Variants in MACROD2 observed in about 807,000 individuals in gnomAD.
MACROD2 encodes mono-ADP ribosylhydrolase 2, also known as ADP-ribose glycohydrolase MACROD2.
MACROD2 carries 36 observed loss-of-function variants against 70.4 expected under a neutral mutation model. The ratio of observed to expected loss-of-function variants is 0.51; its 90% CI spans 0.39 to 0.68. MACROD2 has a LOEUF of 0.68. Among genes scored for constraint, MACROD2 ranks in the 30% least tolerant of loss-of-function variants. The pLI is 0.00. For missense variants in MACROD2, 496 were observed against 538.4 expected (o/e 0.92, Z 0.78); for synonymous variants, 172 against 178.8 (o/e 0.96, Z 0.30).
At chr20:14,990,918 A>G (rs2074897852) in intron 5 of MACROD2, among the ~76,000 whole-genome samples, 1 of 152,218 alleles carries the variant, frequency 6.6e-6, no homozygotes, top group Non-Finnish European at 1.5e-5. Flanking sequence ...ATTGATAAGA[A>G]AAGTTATGAT....
intron 4 of MACROD2, among the ~76,000 whole-genome samples, chr20:14,646,199 C>A (rs1932935): frequency 0.53 from 79,745 of 150,378 alleles, 22,614 homozygotes; most frequent in African/African-American, 0.75. Context: ...CTAGCCTACT[C>A]ATTTTATTAA....
At chr20:15,287,859 C>T (rs1034527567) in intron 6 of MACROD2, among the ~76,000 whole-genome samples, 29 of 152,312 alleles carry the variant, frequency 1.9e-4, no homozygotes, top group African/African-American at 7.0e-4. Flanking sequence ...TGCCATTTTA[C>T]ACTACTAATC....
chr20:14,741,361 A>T (rs996052032), intron 5 of MACROD2, among the ~76,000 whole-genome samples: 2 of 152,258 alleles, frequency 1.3e-5, no homozygotes, highest in African/African-American at 2.4e-5. Context: ...GAACTCAGAG[A>T]AGGTAATGTT....
chr20:15,835,970 C>G (rs1348987597), intron 8 of MACROD2, among the ~76,000 whole-genome samples: 1 of 152,198 alleles, frequency 6.6e-6, no homozygotes, highest in Non-Finnish European at 1.5e-5. Flanking sequence ...ACAATCTGCT[C>G]TGTTTCTAAG....
chr20:14,387,181 C>T (rs554769604), intron 3 of MACROD2, among the ~76,000 whole-genome samples: 1 of 152,214 alleles, frequency 6.6e-6, no homozygotes, highest in Admixed American at 6.5e-5. Context: ...TCTCTTTTAC[C>T]TGTAAAACAG....
chr20:15,234,012 C>CTTTTTTTTTTTTTTTTTTTTTTTTTT (rs1177498607), intron 6 of MACROD2, among the ~76,000 whole-genome samples: 1 of 29,184 alleles, frequency 3.4e-5, no homozygotes, highest in Non-Finnish European at 5.8e-5. Context: ...TATATATATT[C>CTTTTTTTTTTTTTTTTTTTTTTTTTT]TTTTTTTTTT....
chr20:14,149,849 A>G (rs948123981), intron 3 of MACROD2, among the ~76,000 whole-genome samples: 1 of 152,102 alleles, frequency 6.6e-6, no homozygotes, highest in African/African-American at 2.4e-5. Context: ...GTTTTTCTTA[A>G]GAGTATTGCC....
At chr20:15,172,756 A>G (rs1267876021) in intron 5 of MACROD2, among the ~76,000 whole-genome samples, 1 of 152,194 alleles carries the variant, frequency 6.6e-6, no homozygotes. Context: ...AGATCTGAAC[A>G]TTGACTAGTC....
intron 5 of MACROD2, among the ~76,000 whole-genome samples, chr20:15,085,518 A>G (rs1000771298): frequency 6.6e-6 from 1 of 152,158 alleles, no homozygotes; most frequent in Admixed American, 6.6e-5. Flanking sequence ...TACCTAGCAT[A>G]CATAAAGAAC....
At chr20:14,241,115 C>CA (rs879797391) in intron 3 of MACROD2, among the ~76,000 whole-genome samples, 55 of 144,300 alleles carry the variant, frequency 3.8e-4, no homozygotes, top group Non-Finnish European at 4.9e-4. Flanking sequence ...GACTCCGTCT[C>CA]AAAAAAAAAA....
At chr20:14,325,958 G>A (rs1298807846) in intron 3 of MACROD2, 2 of 1,613,736 alleles carry the variant, frequency 1.2e-6, no homozygotes. Flanking sequence ...TCTTTCTCTT[G>A]CTCTCGATTG....
intron 11 of MACROD2, among the ~76,000 whole-genome samples, chr20:15,934,675 G>T (rs2065630698): frequency 6.6e-6 from 1 of 151,662 alleles, no homozygotes; most frequent in South Asian, 2.1e-4. Context: ...TGTTTTTTTT[G>T]TTTGTTTTTT....
chr20:14,036,866 T>C (rs2053318633), intron 2 of MACROD2, among the ~76,000 whole-genome samples: 1 of 152,230 alleles, frequency 6.6e-6, no homozygotes, highest in Admixed American at 6.5e-5. Context: ...TTTTGCCATG[T>C]TTCCCAGACC....
intron 5 of MACROD2, among the ~76,000 whole-genome samples, chr20:14,739,980 T>G (rs1393876904): frequency 6.6e-6 from 1 of 152,026 alleles, no homozygotes. Context: ...TTTCAAAGCA[T>G]GCATACAAGC....
chr20:15,380,823 C>T (rs1418247577), intron 6 of MACROD2, among the ~76,000 whole-genome samples: 1 of 152,094 alleles, frequency 6.6e-6, no homozygotes, highest in African/African-American at 2.4e-5. Flanking sequence ...GTGTCAGTAG[C>T]TATAACATTG....
chr20:15,109,741 C>G (rs1015752700), intron 5 of MACROD2, among the ~76,000 whole-genome samples: 1 of 152,150 alleles, frequency 6.6e-6, no homozygotes, highest in African/African-American at 2.4e-5. Flanking sequence ...TGAATGCGCT[C>G]AGGAACTTTG....
Position 15,934,019 on chromosome 20 carries a change from C to A in MACROD2, c.838+681C>A, listed in dbSNP as rs188368679. On this transcript the variant is annotated intron_variant, in intron 11 of 17. Transcript: ENST00000684519. ...AGTCACCTGTGATTTATTATCTCTTCCTATCCATTTTTGTACTCAGTCATG... is the reference window on the plus strand; with the variant it reads ...AGTCACCTGTGATTTATTATCTCTTACTATCCATTTTTGTACTCAGTCATG... Among the ~76,000 whole-genome samples, 25 of 152,302 alleles carry A rather than the reference C, an allele frequency of 1.6e-4. 1 individual carries two copies. The East Asian group carries it at 4.8e-3, about 29-fold the overall frequency.
intron 5 of MACROD2, among the ~76,000 whole-genome samples, chr20:15,165,280 A>C (rs958063723): frequency 2.6e-5 from 4 of 152,084 alleles, no homozygotes; most frequent in African/African-American, 9.7e-5. Context: ...ACGTGGTAAA[A>C]CCCCATCTCT....
At chr20:14,189,768 C>T (rs1376918090) in intron 3 of MACROD2, among the ~76,000 whole-genome samples, 2 of 152,212 alleles carry the variant, frequency 1.3e-5, no homozygotes, top group East Asian at 3.9e-4. Flanking sequence ...TGTCAGATCT[C>T]TCAACTGTAT....
Sources: gnomAD v4.1 joint callset for allele counts (sites outside exome capture counted in the v4.1 genomes callset) on GRCh38, gnomAD v4.1.1 for gene constraint, MANE v1.5 for transcripts, NCBI Gene and HGNC (gene_info 2026-07-23, HGNC 2026-07-21) for gene names.